The following SPAG6 variants were observed in gnomAD, a reference collection of about 807,000 sequenced individuals.
SPAG6 encodes the protein sperm-associated antigen 6.
SPAG6 carries 49 observed loss-of-function variants against 58.5 expected under a neutral mutation model. The observed-to-expected ratio is 0.84, with a 90% CI of 0.67 to 1.06. SPAG6 has a LOEUF of 1.06. Among genes scored for constraint, SPAG6 ranks in the 50% least tolerant of loss-of-function variants. The pLI, the probability that SPAG6 is intolerant of heterozygous loss-of-function variation, is 0.00. For missense variants in SPAG6, 560 were observed against 611.3 expected, an observed-to-expected ratio of 0.92 and a Z score of 0.89; for synonymous variants, 233 against 225.6, an observed-to-expected ratio of 1.03 and a Z score of -0.29.
chr10:22,405,415 T>G (rs1330587662), intron 9 of SPAG6, among the ~76,000 whole-genome samples: 1 of 151,600 alleles, frequency 6.6e-6, no homozygotes, highest in South Asian at 2.1e-4. Context: ...TTGTCTTTGG[T>G]TCTGTTTATA....
intron 2 of SPAG6, among the ~76,000 whole-genome samples, chr10:22,364,093 A>G (rs1837123940): frequency 6.6e-6 from 1 of 152,162 alleles, no homozygotes; most frequent in South Asian, 2.1e-4. Flanking sequence ...TTCAATATGT[A>G]TTTTTTAACA....
intron 8 of SPAG6, among the ~76,000 whole-genome samples, chr10:22,394,926 G>C (rs901288721): frequency 3.3e-5 from 5 of 152,014 alleles, no homozygotes; most frequent in African/African-American, 1.2e-4. Flanking sequence ...GCCCAGGCTG[G>C]TCTTGAACTC....
At chr10:22,396,792 A>G (rs1834303358) in intron 8 of SPAG6, among the ~76,000 whole-genome samples, 3 of 152,198 alleles carry the variant, frequency 2.0e-5, no homozygotes, top group Non-Finnish European at 4.4e-5. Context: ...AATGACGGAA[A>G]AATGAATGAA....
chr10:22,372,130 C>A (rs1241189050), intron 4 of SPAG6, among the ~76,000 whole-genome samples: 1 of 151,996 alleles, frequency 6.6e-6, no homozygotes, highest in Non-Finnish European at 1.5e-5. Flanking sequence ...CTGCAGAATT[C>A]TTCTTTTGTT....
chr10:22,406,102 T>A (rs1216970283), intron 9 of SPAG6, among the ~76,000 whole-genome samples: 1 of 152,244 alleles, frequency 6.6e-6, no homozygotes, highest in Non-Finnish European at 1.5e-5. Flanking sequence ...CTGGATTCGT[T>A]AATTTTTTGA....
rs1834130718 is a variant in SPAG6 at position 22,389,188 on chromosome 10, G to A, written c.881G>A (p.Gly294Glu). ...TCACAGCTGGTAGTTAACGCAGGAGGGGTTGCTGCCGTGATTGACTGCATT... is the reference window on the plus strand; with the variant it reads ...TCACAGCTGGTAGTTAACGCAGGAGAGGTTGCTGCCGTGATTGACTGCATT... ...ELSQLVVNAGGVAAVIDCIGS... is the reference protein window; with the variant it reads ...ELSQLVVNAGEVAAVIDCIGS... Residue 294 changes from glycine to glutamate, a missense_variant, in exon 7 of 11, where the codon GGG becomes GAG. By Grantham distance (98) the Gly-to-Glu change is moderately conservative. Transcript: ENST00000376624. 2 of 1,613,432 alleles carry A rather than the reference G, an allele frequency of 1.2e-6. No homozygotes were observed. The highest frequency in any genetic ancestry group is 3.3e-5 in the Admixed American group (2 of 59,914).
At chr10:22,389,356 T>C in intron 7 of SPAG6, 44 bp downstream of exon 7, 1 of 1,583,324 alleles carries the variant, frequency 6.3e-7, no homozygotes, top group South Asian at 1.1e-5. Flanking sequence ...TAAGAAATTC[T>C]AAGACAGAAC....
chr10:22,358,809 G>A (rs1201760260), intron 2 of SPAG6, among the ~76,000 whole-genome samples: 1 of 152,206 alleles, frequency 6.6e-6, no homozygotes, highest in Non-Finnish European at 1.5e-5. Context: ...TGGCTAGCCA[G>A]TTTTCGAGAA....
chr10:22,352,328 T>A (rs1040735625), intron 2 of SPAG6, among the ~76,000 whole-genome samples: 2 of 152,168 alleles, frequency 1.3e-5, no homozygotes, highest in Admixed American at 6.5e-5. Context: ...TAGATTATAT[T>A]AGTTTCCCAT....
At chr10:22,387,456 T>C (rs542324513) in intron 5 of SPAG6, among the ~76,000 whole-genome samples, 7 of 152,338 alleles carry the variant, frequency 4.6e-5, no homozygotes, top group Non-Finnish European at 7.3e-5. Context: ...ATCAGCATCA[T>C]GTCAAAGATA....
In SPAG6 at chr10:22,345,829, A is replaced by G. The variant is rs1564356749; in HGVS notation, c.121+11A>G. On this transcript the variant is annotated intron_variant, in intron 2 of 10. Coordinates refer to ENST00000376624, the MANE Select transcript of SPAG6 (RefSeq NM_012443.4). The surrounding 1 kb of genome is among the most constrained non-coding windows in gnomAD (Gnocchi z 6.3). ...CGCTGCAGAACGCGGGTGAGCCCGG[A>G]GCCCGAACCCCCGTCGCCCCCCGCG... 1.9e-6 allele frequency: 3 copies of G among 1,610,830 alleles called. No individual in the cohort carries two copies. Among genetic ancestry groups the G allele is most frequent in the Non-Finnish European group, 2.5e-6 (3 of 1,178,698 alleles).
chr10:22,386,293 A>G (rs899977759), intron 4 of SPAG6, among the ~76,000 whole-genome samples: 1 of 152,182 alleles, frequency 6.6e-6, no homozygotes, highest in Non-Finnish European at 1.5e-5. Context: ...TTAAAAATTG[A>G]CATTATTGGC....
chr10:22,402,558 T>C (rs74123026), intron 9 of SPAG6, among the ~76,000 whole-genome samples: 141 of 152,254 alleles, frequency 9.3e-4, no homozygotes, highest in African/African-American at 3.3e-3. Context: ...CACAGGAAAG[T>C]AGAAGTTTCA....
intron 9 of SPAG6, among the ~76,000 whole-genome samples, chr10:22,401,776 TTAAATGATAG>T (rs778749857): frequency 8.8e-4 from 134 of 152,314 alleles, no homozygotes; most frequent in Non-Finnish European, 1.7e-3. Context: ...TTGTTGCAGA[TTAAATGATAG>T]TAAATGGTAG....
At chr10:22,351,351 A>T (rs941074465) in intron 2 of SPAG6, among the ~76,000 whole-genome samples, 1 of 152,182 alleles carries the variant, frequency 6.6e-6, no homozygotes, top group African/African-American at 2.4e-5. Context: ...CTTTAAACGC[A>T]CGCAGAGGAA....
At chr10:22,409,211 G>A (rs7358106) in intron 9 of SPAG6, among the ~76,000 whole-genome samples, 21,434 of 152,222 alleles carry the variant, frequency 0.14, 4,429 homozygotes, top group African/African-American at 0.46. Context: ...GATAAAGCAA[G>A]GTAGAAGGTG....
In SPAG6 at chr10:22,401,154, T is replaced by C. The variant is rs1156967415; in HGVS notation, c.1198-7T>C. 1.5e-6 allele frequency: 2 copies of C among 1,376,224 alleles called. No homozygotes were observed. Among genetic ancestry groups the C allele is most frequent in the Non-Finnish European group, 2.1e-6 (2 of 964,200 alleles). 85.3% of individuals were successfully genotyped at this position (1,376,224 alleles called of 1,614,324 possible). ...ACTTATGTATACATTCTGCTTTGTA[T>C]TTCTAGAGTAAAAAAGCCATAAAGA... On this transcript the variant is annotated splice_polypyrimidine_tract_variant and splice_region_variant and intron_variant, in intron 8 of 10. Transcript: ENST00000376624.
intron 6 of SPAG6, among the ~76,000 whole-genome samples, chr10:22,388,817 A>T (rs1298871084): frequency 6.6e-6 from 1 of 152,148 alleles, no homozygotes; most frequent in Non-Finnish European, 1.5e-5. Context: ...AATCTGCTTC[A>T]TACTCACCCA....
rs148864328 is a variant in SPAG6, at chr10:22,365,516, A to G, written c.288+497A>G. Among the ~76,000 whole-genome samples the G allele has an allele frequency of 1.4e-3, 217 of 152,300 alleles. 4 individuals are homozygous for G. The highest frequency in any genetic ancestry group is 4.6e-3 in the African/African-American group (192 of 41,564). On this transcript the variant is annotated intron_variant, in intron 3 of 10. Coordinates refer to ENST00000376624, the MANE Select transcript of SPAG6 (RefSeq NM_012443.4). ...TATAGGCATGCCAACTCTGTTAAGCACTATCTGAAATTGCCCTGTTTTTTT... is the reference window on the plus strand; with the variant it reads ...TATAGGCATGCCAACTCTGTTAAGCGCTATCTGAAATTGCCCTGTTTTTTT...
Sources: allele counts gnomAD v4.1 joint callset (sites outside exome capture counted in the v4.1 genomes callset), GRCh38; gene constraint gnomAD v4.1.1; non-coding constraint Gnocchi (gnomAD v3.1); transcripts MANE v1.5; gene names NCBI Gene and HGNC (gene_info 2026-07-23, HGNC 2026-07-21).